The following SRRM3 variants were observed in gnomAD, a reference collection of about 807,000 sequenced individuals.
SRRM3 encodes the protein serine/arginine repetitive matrix 3, also known as serine/arginine repetitive matrix protein 3.
Under a neutral mutation model 66.2 loss-of-function variants are expected in SRRM3, and 27 were observed. The observed-to-expected ratio is 0.41, with a 90% CI of 0.30 to 0.56. The LOEUF is 0.56. Ranked by LOEUF, SRRM3 falls within the 20% of genes least tolerant of loss-of-function variation. The pLI is 0.32. For synonymous variants in SRRM3, 391 were observed against 414.9 expected (o/e 0.94, Z 0.70); for missense variants, 918 against 991.9 (o/e 0.93, Z 1.00).
At position 76,283,089 on chromosome 7, in the gene SRRM3, G is replaced by T; in HGVS notation, c.1721G>T (p.Arg574Leu). The change falls in exon 14 of 15, where the codon CGG (arginine) becomes CTG (leucine). Residue 574 changes from arginine (R) to leucine (L), a missense_variant. Arg to Leu is a moderately radical substitution (Grantham distance 102, BLOSUM62 -2). Transcript: ENST00000611745. ...GACTCGCCAAGCTTCATGGAGCCGC[G>T]GCGCATCACCAGGTATGGAGGGTCT... is the stretch of plus-strand genomic sequence containing the variant. The part of the protein sequence containing the change: ...RRDSPSFMEP[R>L]RITSARKRPI... 2 of 1,454,634 alleles carry T rather than the reference G, an allele frequency of 1.4e-6. No homozygotes were observed. The highest frequency in any genetic ancestry group is 1.4e-5 in the South Asian group (1 of 70,796). The allele number at this position is 1,454,634 out of a possible 1,614,324, so 90.1% of individuals were successfully genotyped here.
intron 12 of SRRM3, 164 bp from the exon 13 acceptor site, chr7:76,282,484 T>A: frequency 8.6e-5 from 14 of 163,250 alleles, no homozygotes; most frequent in East Asian, 2.5e-4. Context: ...AACTGACCCC[T>A]GCCCCTCACT....
In SRRM3 at chr7:76,259,935, G is replaced by A; in HGVS notation, c.365G>A (p.Gly122Asp). ...IVAETPRLTE[G>D]AEPGLEYAPF... The stretch of plus-strand genomic sequence containing the variant: ...GCGGAGACCCCGCGGCTGACCGAGG[G>A]CGCTGAGCCGGGCCTGGAGTACGCG... Residue 122 changes from glycine (G) to aspartate (D), a missense_variant, in exon 4 of 15, where the codon GGC becomes GAC. Gly to Asp is a moderately conservative substitution (Grantham distance 94). Transcript: ENST00000611745. 3 of 1,601,930 alleles carry A rather than the reference G, an allele frequency of 1.9e-6. No individual in the cohort carries two copies. Among genetic ancestry groups the A allele is most frequent in the Non-Finnish European group, 2.5e-6 (3 of 1,179,512 alleles).
At chr7:76,274,122 C>A (rs2117093562) in intron 11 of SRRM3, among the ~76,000 whole-genome samples, 1 of 152,400 alleles carries the variant, frequency 6.6e-6, no homozygotes, top group Non-Finnish European at 1.5e-5. Flanking sequence ...CTTCAGGGCC[C>A]TTTCGGGCAA....
At chr7:76,212,987 C>CACTTTAT (rs1446167009) in intron 1 of SRRM3, among the ~76,000 whole-genome samples, 105 of 150,570 alleles carry the variant, frequency 7.0e-4, no homozygotes, top group African/African-American at 2.5e-3. Context: ...TTCCCTGGCC[C>CACTTTAT]ACTTTACACC....
At chr7:76,218,680 T>C (rs1017340243) in intron 1 of SRRM3, among the ~76,000 whole-genome samples, 8 of 131,398 alleles carry the variant, frequency 6.1e-5, no homozygotes, top group African/African-American at 8.6e-5. Context: ...TTTTCTTTTT[T>C]TTTTTTTTTT....
At position 76,281,588 on chromosome 7, in the gene SRRM3, CGGCGGCGGCGGCGGCGTA is replaced by C. The variant is rs1180235953; in HGVS notation, c.1167_1184del (p.Arg390_Arg395del). On this transcript the variant is annotated inframe_deletion, in exon 12 of 15. Transcript: ENST00000611745. ...CCGCGCGGCGGGCGGGGCGGGCAGG[CGGCGGCGGCGGCGGCGTA>C]GGCGGCGGCGCTCGCGGTCCTCGGC... is the stretch of plus-strand genomic sequence containing the variant. 3.6e-5 allele frequency: 35 copies of C among 966,860 alleles called. No individual in the cohort carries two copies. The highest frequency in any genetic ancestry group is 3.9e-5 in the Non-Finnish European group (32 of 815,588). 59.9% of individuals were successfully genotyped at this position (966,860 alleles called of 1,614,324 possible). A position where few individuals can be genotyped will look rare whatever the true frequency, so the allele number is the denominator to read the frequency against.
At chr7:76,207,101 C>T (rs1289905599) in intron 1 of SRRM3, among the ~76,000 whole-genome samples, 1 of 151,962 alleles carries the variant, frequency 6.6e-6, no homozygotes, top group Non-Finnish European at 1.5e-5. Context: ...TATCTTCAGC[C>T]TAGGCGGCAT....
chr7:76,261,658 G>T, intron 8 of SRRM3, 77 bp downstream of exon 8: 1 of 1,481,750 alleles, frequency 6.7e-7, no homozygotes, highest in South Asian at 1.2e-5. Flanking sequence ...GATGGGAGGG[G>T]GTTTTGAGGG....
Position 76,286,120 on chromosome 7 carries a change from TCCCCATCC to T in SRRM3, c.*281_*288del. ...AAGAGCCGTTACGAACACAGGAATC[TCCCCATCC>T]CCCTTCCTGCTGATGCCAACTCACC... On this transcript the variant is annotated 3_prime_UTR_variant, in exon 15 of 15. Coordinates refer to ENST00000611745, the MANE Select transcript of SRRM3 (RefSeq NM_001110199.3). 1.9e-6 allele frequency: 1 copy of T among 522,874 alleles called. No individual in the cohort carries two copies. Among genetic ancestry groups the T allele is most frequent in the East Asian group, 3.4e-5 (1 of 29,812 alleles). 32.4% of individuals were successfully genotyped at this position (522,874 alleles called of 1,614,324 possible). A position where few individuals can be genotyped will look rare whatever the true frequency, so the allele number is the denominator to read the frequency against.
At chr7:76,243,705 C>T (rs1249519462) in intron 2 of SRRM3, among the ~76,000 whole-genome samples, 5 of 152,212 alleles carry the variant, frequency 3.3e-5, no homozygotes, top group African/African-American at 1.2e-4. Flanking sequence ...CCCACCCTCA[C>T]CCTTAGGCCA....
At chr7:76,214,431 C>T (rs1280835281) in intron 1 of SRRM3, among the ~76,000 whole-genome samples, 1 of 152,186 alleles carries the variant, frequency 6.6e-6, no homozygotes, top group Non-Finnish European at 1.5e-5. Context: ...ACTATTTAGG[C>T]TAATCAGATT....
chr7:76,236,123 C>T (rs1344900392), intron 2 of SRRM3, among the ~76,000 whole-genome samples: 1 of 150,570 alleles, frequency 6.6e-6, no homozygotes, highest in Non-Finnish European at 1.5e-5. Context: ...CCAGCCTGAC[C>T]AACATGGAGA....
intron 1 of SRRM3, among the ~76,000 whole-genome samples, chr7:76,214,283 T>A (rs201402633): frequency 1.3e-5 from 2 of 151,982 alleles, no homozygotes; most frequent in East Asian, 3.9e-4. Context: ...CCACTCCCGA[T>A]CCGACATTAA....
intron 3 of SRRM3, among the ~76,000 whole-genome samples, chr7:76,258,857 T>A (rs1475540218): frequency 6.7e-6 from 1 of 150,030 alleles, no homozygotes; most frequent in Non-Finnish European, 1.5e-5. Flanking sequence ...GGGAGTTCCA[T>A]ACCAGCCTGA....
intron 1 of SRRM3, among the ~76,000 whole-genome samples, chr7:76,215,691 G>C (rs1396355687): frequency 1.4e-5 from 2 of 140,820 alleles, no homozygotes; most frequent in African/African-American, 5.3e-5. Flanking sequence ...GCAATGGCAT[G>C]ATCTCAGCTC....
At chr7:76,249,763 T>C (rs1406373884) in intron 3 of SRRM3, among the ~76,000 whole-genome samples, 1 of 152,112 alleles carries the variant, frequency 6.6e-6, no homozygotes, top group Non-Finnish European at 1.5e-5. Context: ...AGAAGTAAAA[T>C]TAGCTGGGCT....
chr7:76,267,113 T>C, intron 10 of SRRM3, 145 bp from the exon 11 acceptor site: 2 of 743,348 alleles, frequency 2.7e-6, no homozygotes, highest in Non-Finnish European at 3.9e-6. Context: ...CCTCTCTAAG[T>C]GGAAAGGTTC....
At chr7:76,235,366 A>G in intron 2 of SRRM3, 67 bp downstream of exon 2, 2 of 1,259,274 alleles carry the variant, frequency 1.6e-6, no homozygotes, top group Non-Finnish European at 2.1e-6. Context: ...GAAGCGAGTG[A>G]TGCTGCACGT....
chr7:76,213,696 G>C (rs1554602126), intron 1 of SRRM3, among the ~76,000 whole-genome samples: 1 of 152,124 alleles, frequency 6.6e-6, no homozygotes, highest in African/African-American at 2.4e-5. Context: ...ACTTGAAAGG[G>C]GTTATGAGCT....
Sources: gnomAD v4.1 joint callset for allele counts (sites outside exome capture counted in the v4.1 genomes callset) on GRCh38, gnomAD v4.1.1 for gene constraint, MANE v1.5 for transcripts, NCBI Gene and HGNC (gene_info 2026-07-23, HGNC 2026-07-21) for gene names.